Variants in FAAH2 observed in about 807,000 individuals in gnomAD.
FAAH2 encodes the protein fatty-acid amide hydrolase 2.
Under a neutral mutation model 36.9 loss-of-function variants are expected in FAAH2, and 60 were observed. That is an observed-to-expected ratio of 1.63 (90% CI 1.32 to 2.02). The LOEUF is 2.02. Ranked by LOEUF, FAAH2 falls within the 30% of genes most tolerant of loss-of-function variation. The pLI is 0.00. For missense variants in FAAH2, 689 were observed against 397.5 expected (o/e 1.73, Z -6.23); for synonymous variants, 214 against 143.8 (o/e 1.49, Z -3.49).
At chrX:57,251,283 G>T in the FAAH2 span, among the ~76,000 whole-genome samples, 1 of 111,841 alleles carries the variant, frequency 8.9e-6, no homozygotes, top group East Asian at 2.8e-4. Flanking sequence ...CAGTGAAAGC[G>T]TTTAATATAA....
chrX:57,432,434 G>A (rs902019348), intron 8 of FAAH2, among the ~76,000 whole-genome samples: 2 of 111,558 alleles, frequency 1.8e-5, no homozygotes, highest in Non-Finnish European at 3.8e-5. Context: ...AGAACATGTA[G>A]GTTTCAATAA....
chrX:57,322,225 C>T (rs938542406), intron 3 of FAAH2, among the ~76,000 whole-genome samples: 2 of 111,363 alleles, frequency 1.8e-5, no homozygotes, highest in Non-Finnish European at 3.8e-5. Flanking sequence ...CTTCTGACCT[C>T]GTGATCCGCG....
intron 7 of FAAH2, among the ~76,000 whole-genome samples, chrX:57,396,289 G>A (rs937452818): frequency 9.2e-6 from 1 of 109,204 alleles, no homozygotes; most frequent in African/African-American, 3.3e-5. Flanking sequence ...TCATTTTAAT[G>A]ATTGTATAAT....
chrX:57,359,810 G>A (rs993603486), intron 5 of FAAH2, among the ~76,000 whole-genome samples: 2 of 111,482 alleles, frequency 1.8e-5, no homozygotes, highest in African/African-American at 6.5e-5. Context: ...GCTAACAAGT[G>A]TCTTTTGATT....
At chrX:57,227,747 G>A in the FAAH2 span, among the ~76,000 whole-genome samples, 6 of 111,763 alleles carry the variant, frequency 5.4e-5, no homozygotes, top group Non-Finnish European at 1.1e-4. Flanking sequence ...CCACCAGGGT[G>A]GGTAGGGAAG....
At chrX:57,224,347 C>A in the FAAH2 span, among the ~76,000 whole-genome samples, 8 of 111,750 alleles carry the variant, frequency 7.2e-5, no homozygotes, top group Non-Finnish European at 1.3e-4. Context: ...TTAAGATTTT[C>A]TTTTTCCAAG....
At chrX:57,235,833 A>T in the FAAH2 span, among the ~76,000 whole-genome samples, 2 of 111,935 alleles carry the variant, frequency 1.8e-5, no homozygotes, top group African/African-American at 6.5e-5. Context: ...AACCTTTGTC[A>T]TTTTTTGTGA....
intron 10 of FAAH2, among the ~76,000 whole-genome samples, chrX:57,484,154 G>A (rs988986216): frequency 1.8e-5 from 2 of 110,707 alleles, no homozygotes; most frequent in African/African-American, 6.6e-5. Flanking sequence ...TGGCCAGGGG[G>A]TAGCACTTAA....
chrX:57,206,168 A>T, the FAAH2 span, among the ~76,000 whole-genome samples: 5 of 112,121 alleles, frequency 4.5e-5, no homozygotes, highest in Admixed American at 1.9e-4. Flanking sequence ...TTAATTGCCC[A>T]GGGCTAGTGA....
chrX:57,270,216 C>T, the FAAH2 span, among the ~76,000 whole-genome samples: 1 of 111,463 alleles, frequency 9.0e-6, no homozygotes, highest in African/African-American at 3.3e-5. Flanking sequence ...GAAATGGAGG[C>T]AGTAATAAAT....
intron 7 of FAAH2, among the ~76,000 whole-genome samples, chrX:57,391,917 G>A (rs147491506): frequency 1.1e-4 from 12 of 110,295 alleles, no homozygotes; most frequent in Admixed American, 3.9e-4. Context: ...CAGTATGGTC[G>A]TTTTAACTAG....
At chrX:57,430,865 G>A (rs2056278493) in intron 7 of FAAH2, among the ~76,000 whole-genome samples, 1 of 111,836 alleles carries the variant, frequency 8.9e-6, no homozygotes, top group Non-Finnish European at 1.9e-5. Flanking sequence ...TCTCGTAATT[G>A]TGGCTAAGAA....
At chrX:57,234,142 G>A in the FAAH2 span, among the ~76,000 whole-genome samples, 1 of 112,472 alleles carries the variant, frequency 8.9e-6, no homozygotes, top group African/African-American at 3.2e-5. Flanking sequence ...TTAAGTTTTT[G>A]TATTATTTAT....
At chrX:57,368,065 G>A (rs1359300775) in intron 5 of FAAH2, among the ~76,000 whole-genome samples, 2 of 110,904 alleles carry the variant, frequency 1.8e-5, no homozygotes, top group African/African-American at 3.3e-5. Flanking sequence ...CCATTACTCA[G>A]CCAAACTATT....
chrX:57,193,205 G>A, the FAAH2 span, among the ~76,000 whole-genome samples: 1 of 111,457 alleles, frequency 9.0e-6, no homozygotes, highest in Non-Finnish European at 1.9e-5. Flanking sequence ...GCCTCTAAAT[G>A]GCCCCCTTGG....
the FAAH2 span, among the ~76,000 whole-genome samples, chrX:57,171,880 T>C: frequency 1.8e-5 from 2 of 112,221 alleles, no homozygotes; most frequent in African/African-American, 3.2e-5. Context: ...ATAATTTTTA[T>C]GGTTTCAGGT....
At chrX:57,463,429 C>T (rs2056995165) in intron 10 of FAAH2, among the ~76,000 whole-genome samples, 1 of 111,259 alleles carries the variant, frequency 9.0e-6, no homozygotes, top group Non-Finnish European at 1.9e-5. Context: ...CTACAGTAAC[C>T]AAAACACCAT....
chrX:57,144,548 T>C, the FAAH2 span, among the ~76,000 whole-genome samples: 1 of 109,188 alleles, frequency 9.2e-6, no homozygotes, highest in Non-Finnish European at 1.9e-5. Flanking sequence ...TGGTTTTTGG[T>C]GGAACAGGTG....
At chrX:57,170,555 C>A in the FAAH2 span, among the ~76,000 whole-genome samples, 1 of 111,358 alleles carries the variant, frequency 9.0e-6, no homozygotes. Flanking sequence ...GTACATTGTA[C>A]CCAATAAGTA....
Sources: allele counts gnomAD v4.1 joint callset (sites outside exome capture counted in the v4.1 genomes callset), GRCh38; gene constraint gnomAD v4.1.1; transcripts MANE v1.5; gene names NCBI Gene and HGNC (gene_info 2026-07-23, HGNC 2026-07-21).